DSCAM: variants seen among roughly 807,000 people sequenced by gnomAD.
DSCAM encodes the protein cell adhesion molecule DSCAM.
A neutral mutation model predicts 217.7 loss-of-function variants in DSCAM; 47 were observed. The observed-to-expected ratio is 0.22, with a 90% CI of 0.17 to 0.28. DSCAM has a LOEUF of 0.28. Ranked by LOEUF, DSCAM falls within the 10% of genes least tolerant of loss-of-function variation. DSCAM has a pLI of 1.00. For synonymous variants in DSCAM, 1,056 were observed against 1,015.3 expected (o/e 1.04, Z -0.76); for missense variants, 2,080 against 2,618.3 (o/e 0.79, Z 4.49).
chr21:40,221,439 T>C (rs2091288329), intron 11 of DSCAM, among the ~76,000 whole-genome samples: 1 of 148,624 alleles, frequency 6.7e-6, no homozygotes, highest in Admixed American at 6.8e-5. Flanking sequence ...AGGATTATTA[T>C]ATAAATAACA....
intron 11 of DSCAM, among the ~76,000 whole-genome samples, chr21:40,253,019 C>T (rs763240664): frequency 6.6e-6 from 1 of 152,158 alleles, no homozygotes; most frequent in African/African-American, 2.4e-5. Context: ...CTTCTGTTTG[C>T]TATTTAATTG....
chr21:40,812,194 T>C (rs961286429), intron 1 of DSCAM, among the ~76,000 whole-genome samples: 3 of 152,144 alleles, frequency 2.0e-5, no homozygotes, highest in African/African-American at 4.8e-5. Context: ...CAGAAAAATA[T>C]AGCAAATCAA....
intron 3 of DSCAM, among the ~76,000 whole-genome samples, chr21:40,606,589 A>G (rs2089241709): frequency 6.6e-6 from 1 of 152,206 alleles, no homozygotes; most frequent in South Asian, 2.1e-4. Context: ...AAACGGGTGC[A>G]TGGGAGTTAA....
intron 11 of DSCAM, among the ~76,000 whole-genome samples, chr21:40,247,528 T>C (rs891505189): frequency 1.3e-5 from 2 of 152,230 alleles, no homozygotes; most frequent in Non-Finnish European, 2.9e-5. Context: ...CAGTCAAATC[T>C]TAAAGTTCCA....
chr21:40,710,158 T>C (rs2090763499), intron 1 of DSCAM, among the ~76,000 whole-genome samples: 1 of 151,366 alleles, frequency 6.6e-6, no homozygotes, highest in Admixed American at 6.6e-5. Context: ...TCTGTTTATA[T>C]CATTTGCCCA....
intron 16 of DSCAM, among the ~76,000 whole-genome samples, chr21:40,145,278 C>T (rs1159062203): frequency 1.3e-5 from 2 of 152,104 alleles, no homozygotes; most frequent in African/African-American, 4.8e-5. Flanking sequence ...GAAAAGACCC[C>T]CGTCCTCATG....
At chr21:40,451,392 G>A (rs2075718289) in intron 3 of DSCAM, among the ~76,000 whole-genome samples, 1 of 152,116 alleles carries the variant, frequency 6.6e-6, no homozygotes, top group African/African-American at 2.4e-5. Context: ...TGCTTTAATG[G>A]TTATGAAAGG....
intron 3 of DSCAM, among the ~76,000 whole-genome samples, chr21:40,524,870 C>T (rs758472662): frequency 6.6e-6 from 1 of 151,690 alleles, no homozygotes; most frequent in Non-Finnish European, 1.5e-5. Context: ...ATTAGCCAGG[C>T]GTGGTGGCAT....
chr21:40,744,112 C>G (rs1360504762), intron 1 of DSCAM, among the ~76,000 whole-genome samples: 3 of 152,138 alleles, frequency 2.0e-5, no homozygotes, highest in African/African-American at 4.8e-5. Flanking sequence ...CTCATGGTTT[C>G]TAAGGTGGGA....
intron 3 of DSCAM, among the ~76,000 whole-genome samples, chr21:40,647,654 T>A (rs934770206): frequency 3.9e-5 from 6 of 152,224 alleles, no homozygotes; most frequent in Admixed American, 3.9e-4. Context: ...GGATAAAAAC[T>A]ATATATTATT....
intron 1 of DSCAM, among the ~76,000 whole-genome samples, chr21:40,749,623 T>C (rs1313978384): frequency 6.6e-6 from 1 of 152,032 alleles, no homozygotes; most frequent in Non-Finnish European, 1.5e-5. Flanking sequence ...ACGCTGTTGG[T>C]GAGAATGTAA....
intron 3 of DSCAM, among the ~76,000 whole-genome samples, chr21:40,601,286 T>C (rs1437648075): frequency 6.6e-6 from 1 of 152,202 alleles, no homozygotes; most frequent in African/African-American, 2.4e-5. Context: ...ATAGAAATTA[T>C]ATTGGTTTTT....
At chr21:40,499,844 G>A (rs2076157315) in intron 3 of DSCAM, among the ~76,000 whole-genome samples, 1 of 152,022 alleles carries the variant, frequency 6.6e-6, no homozygotes, top group Non-Finnish European at 1.5e-5. Flanking sequence ...GTAGTGATGC[G>A]ATCTCGGCTC....
At position 40,195,089 on chromosome 21, in the gene DSCAM, T is replaced by C. The variant is rs138507279; in HGVS notation, c.2357-5851A>G. 3.2e-3 allele frequency among the ~76,000 whole-genome samples: 492 copies of C among 152,306 alleles called. 2 individuals are homozygous for C. The highest frequency in any genetic ancestry group is 0.011 in the African/African-American group (449 of 41,572). ...ATGAAAGTAAACCCTTATTTATTAA[T>C]TAAATAATTAAAATATGAACAGTTT... On this transcript the variant is annotated intron_variant, in intron 11 of 32. Coordinates refer to ENST00000400454, the MANE Select transcript of DSCAM (RefSeq NM_001389.5).
intron 19 of DSCAM, among the ~76,000 whole-genome samples, chr21:40,127,132 A>AG: frequency 6.6e-6 from 1 of 152,220 alleles, no homozygotes; most frequent in Non-Finnish European, 1.5e-5. Flanking sequence ...TTACTGTTAG[A>AG]ATTATAAGAG....
chr21:40,545,739 G>C (rs1318786919), intron 3 of DSCAM, among the ~76,000 whole-genome samples: 1 of 152,194 alleles, frequency 6.6e-6, no homozygotes, highest in Non-Finnish European at 1.5e-5. Context: ...GTCTGGCTAT[G>C]GCTCCGAGCA....
rs1451098287 is a variant in DSCAM, at chr21:40,299,568, T to A, written c.2063-3394A>T. On this transcript the variant is annotated intron_variant, in intron 9 of 32. Transcript: ENST00000400454. ...AGTAATAAGTTTCTAAACAAATTTC[T>A]TTGCCTGCCCAGAGCCTAATGTGAA... Among the ~76,000 whole-genome samples the A allele has an allele frequency of 2.0e-5, 3 of 152,142 alleles. No individual in the cohort carries two copies. The East Asian group carries it at 5.8e-4, about 29-fold the overall frequency.
At chr21:40,339,493 T>A in intron 6 of DSCAM, 78 bp from the exon 7 acceptor site, 1 of 1,367,638 alleles carries the variant, frequency 7.3e-7, no homozygotes, top group East Asian at 2.5e-5. Flanking sequence ...CTTTCATGTC[T>A]AGGGGGTAAA....
At chr21:40,816,947 A>G (rs1048501590) in intron 1 of DSCAM, among the ~76,000 whole-genome samples, 1 of 152,210 alleles carries the variant, frequency 6.6e-6, no homozygotes, top group Non-Finnish European at 1.5e-5. Context: ...GACATTCTCT[A>G]AAGCTGATGA....
Sources: gnomAD v4.1 joint callset for allele counts (sites outside exome capture counted in the v4.1 genomes callset) on GRCh38, gnomAD v4.1.1 for gene constraint, MANE v1.5 for transcripts, NCBI Gene and HGNC (gene_info 2026-07-23, HGNC 2026-07-21) for gene names.